The following CXCL13 variants were observed in gnomAD, a reference collection of about 807,000 sequenced individuals.
CXCL13 encodes the protein C-X-C motif chemokine ligand 13, also known as C-X-C motif chemokine 13.
In CXCL13, 7 loss-of-function variants were observed where a neutral mutation model predicts 12.2. The observed-to-expected ratio is 0.57, with a 90% confidence interval of 0.33 to 1.07. The LOEUF (loss-of-function observed/expected upper bound fraction) is 1.07. CXCL13 is among the 50% of genes least tolerant of loss of function. The pLI, the probability that CXCL13 is intolerant of heterozygous loss-of-function variation, is 0.04. For synonymous variants in CXCL13, 47 were observed against 42.4 expected, an observed-to-expected ratio of 1.11 and a Z score of -0.42; for missense variants, 113 against 127.4, an observed-to-expected ratio of 0.89 and a Z score of 0.55.
intron 1 of CXCL13, among the ~76,000 whole-genome samples, chr4:77,570,522 C>T (rs556778511): frequency 1.3e-5 from 2 of 152,364 alleles, no homozygotes; most frequent in South Asian, 2.1e-4. Context: ...AGAGCCCTCA[C>T]TTGCTCTCGG....
At chr4:77,574,971 G>A (rs1028233917) in intron 1 of CXCL13, among the ~76,000 whole-genome samples, 2 of 151,910 alleles carry the variant, frequency 1.3e-5, no homozygotes, top group Non-Finnish European at 2.9e-5. Flanking sequence ...TAGGGCTAAA[G>A]GGTTGTTTTG....
intron 1 of CXCL13, among the ~76,000 whole-genome samples, chr4:77,566,521 A>C (rs1725926702): frequency 6.6e-6 from 1 of 152,186 alleles, no homozygotes; most frequent in Admixed American, 6.5e-5. Context: ...TATAGCAATA[A>C]AATTTACATA....
chr4:77,540,114 C>T (rs1725163908), intron 1 of CXCL13, among the ~76,000 whole-genome samples: 1 of 152,048 alleles, frequency 6.6e-6, no homozygotes, highest in African/African-American at 2.4e-5. Context: ...TTGATTATCT[C>T]TGTTAACTTT....
chr4:77,556,470 G>A (rs190621954), intron 1 of CXCL13, among the ~76,000 whole-genome samples: 11 of 152,204 alleles, frequency 7.2e-5, no homozygotes, highest in African/African-American at 2.4e-4. Flanking sequence ...ACAATAAAGA[G>A]GCCTAAAAGA....
chr4:77,533,020 T>A (rs796670351), intron 1 of CXCL13, among the ~76,000 whole-genome samples: 30 of 137,576 alleles, frequency 2.2e-4, no homozygotes, highest in African/African-American at 1.0e-3. Flanking sequence ...TCGTCTGAAG[T>A]CTTCTTCTCT....
At chr4:77,536,674 G>T (rs551522311) in intron 1 of CXCL13, among the ~76,000 whole-genome samples, 2 of 152,178 alleles carry the variant, frequency 1.3e-5, no homozygotes, top group Non-Finnish European at 2.9e-5. Context: ...ACACCTAGAA[G>T]AAGATTACAA....
chr4:77,540,779 A>G (rs1395612324), intron 1 of CXCL13, among the ~76,000 whole-genome samples: 1 of 152,106 alleles, frequency 6.6e-6, no homozygotes, highest in Non-Finnish European at 1.5e-5. Context: ...TTTGGAAGTA[A>G]TAGGGTTGCT....
At chr4:77,587,465 C>A (rs1391446876) in intron 1 of CXCL13, among the ~76,000 whole-genome samples, 1 of 152,126 alleles carries the variant, frequency 6.6e-6, no homozygotes, top group Non-Finnish European at 1.5e-5. Flanking sequence ...CAATGGTGAT[C>A]CTTAGGGGTA....
chr4:77,563,598 A>G (rs1337457585), intron 1 of CXCL13, among the ~76,000 whole-genome samples: 1 of 152,218 alleles, frequency 6.6e-6, no homozygotes, highest in Non-Finnish European at 1.5e-5. Context: ...CTGAAAAGTG[A>G]ACAATTAACT....
At chr4:77,526,647 A>G (rs1724774034) in intron 1 of CXCL13, among the ~76,000 whole-genome samples, 2 of 152,266 alleles carry the variant, frequency 1.3e-5, no homozygotes, top group African/African-American at 4.8e-5. Context: ...GGAAAGAAAC[A>G]AGGTCCCTGG....
chr4:77,590,001 G>A (rs920440249), intron 1 of CXCL13, among the ~76,000 whole-genome samples: 2 of 152,018 alleles, frequency 1.3e-5, no homozygotes, highest in African/African-American at 2.4e-5. Context: ...CCGCAAGTAC[G>A]TGGCCCAGGT....
chr4:77,545,334 G>A (rs925429621), intron 1 of CXCL13, among the ~76,000 whole-genome samples: 1 of 152,050 alleles, frequency 6.6e-6, no homozygotes, highest in Non-Finnish European at 1.5e-5. Flanking sequence ...AAATTACCTT[G>A]GACAGTATGG....
chr4:77,535,291 C>T (rs1432204137), intron 1 of CXCL13, among the ~76,000 whole-genome samples: 1 of 152,210 alleles, frequency 6.6e-6, no homozygotes, highest in Non-Finnish European at 1.5e-5. Flanking sequence ...TCAGTTGTGA[C>T]ATACTTCTTT....
chr4:77,542,065 C>G (rs1725217507), intron 1 of CXCL13, among the ~76,000 whole-genome samples: 1 of 151,968 alleles, frequency 6.6e-6, no homozygotes, highest in Non-Finnish European at 1.5e-5. Context: ...CTTTTGTATC[C>G]TGAGATTTTA....
intron 1 of CXCL13, among the ~76,000 whole-genome samples, chr4:77,560,605 T>C (rs1398498284): frequency 5.9e-5 from 9 of 152,222 alleles, no homozygotes; most frequent in Non-Finnish European, 1.0e-4. Flanking sequence ...TCTTAGGTAT[T>C]CCAGACCAGA....
intron 1 of CXCL13, among the ~76,000 whole-genome samples, chr4:77,539,289 C>A (rs368719872): frequency 6.6e-6 from 1 of 152,110 alleles, no homozygotes; most frequent in Non-Finnish European, 1.5e-5. Context: ...ACACACCCAG[C>A]TAATTTTTTG....
chr4:77,574,282 A>C (rs1027765092), intron 1 of CXCL13, among the ~76,000 whole-genome samples: 3 of 151,766 alleles, frequency 2.0e-5, no homozygotes, highest in African/African-American at 7.3e-5. Context: ...GACAGCCTAG[A>C]ACTCCTTGGG....
chr4:77,524,697 C>T (rs1222674768), intron 1 of CXCL13, among the ~76,000 whole-genome samples: 5 of 152,186 alleles, frequency 3.3e-5, no homozygotes, highest in African/African-American at 1.2e-4. Context: ...ATGTCCCACC[C>T]TGCTTCAGCT....
At chr4:77,541,713 C>A (rs188577224) in intron 1 of CXCL13, among the ~76,000 whole-genome samples, 4 of 152,016 alleles carry the variant, frequency 2.6e-5, no homozygotes, top group Non-Finnish European at 4.4e-5. Flanking sequence ...TATTGTTGTT[C>A]CAAATGAAGT....
Sources: gnomAD v4.1 joint callset for allele counts (sites outside exome capture counted in the v4.1 genomes callset) on GRCh38, gnomAD v4.1.1 for gene constraint, MANE v1.5 for transcripts, NCBI Gene and HGNC (gene_info 2026-07-23, HGNC 2026-07-21) for gene names.